Variants in THSD7A observed in about 807,000 individuals in gnomAD.
The protein encoded by THSD7A is thrombospondin type 1 domain containing 7A.
In THSD7A, 96 loss-of-function variants were observed where a neutral mutation model predicts 231.3. That is an observed-to-expected ratio of 0.41 (90% CI 0.35 to 0.49). The LOEUF (loss-of-function observed/expected upper bound fraction) is 0.49, where lower values mean the gene tolerates loss of function less well. Among genes scored for constraint, THSD7A ranks in the 20% least tolerant of loss-of-function variants. The pLI, the probability that THSD7A is intolerant of heterozygous loss-of-function variation, is 0.05. For missense variants in THSD7A, 2,290 were observed against 2,070.2 expected (o/e 1.11, Z -2.06); for synonymous variants, 940 against 743.3 (o/e 1.26, Z -4.30).
At chr7:11,825,595 A>G (rs955540520) in intron 1 of THSD7A, among the ~76,000 whole-genome samples, 1 of 152,190 alleles carries the variant, frequency 6.6e-6, no homozygotes. Context: ...AATAAAAACT[A>G]TCATTTACTG....
At chr7:11,462,872 C>A (rs1785557151) in intron 9 of THSD7A, among the ~76,000 whole-genome samples, 1 of 152,060 alleles carries the variant, frequency 6.6e-6, no homozygotes, top group African/African-American at 2.4e-5. Context: ...GACAGTATGA[C>A]TGATGTAAGG....
At position 11,446,904 on chromosome 7, in the gene THSD7A, C is replaced by T. The variant is rs1454548324; in HGVS notation, c.2800+326G>A. Reference sequence around the variant, plus strand: ...GGCTCTGACAGTGAGAATGGGTTAACAAAGTAGCAACTTTTTCTCTTGTTC... The same window carrying T: ...GGCTCTGACAGTGAGAATGGGTTAATAAAGTAGCAACTTTTTCTCTTGTTC... On this transcript the variant is annotated intron_variant, in intron 12 of 27. Coordinates refer to ENST00000423059, the MANE Select transcript of THSD7A (RefSeq NM_015204.3). The surrounding 1 kb of genome is among the most constrained non-coding windows in gnomAD (Gnocchi z 4.0). 6.6e-6 allele frequency among the ~76,000 whole-genome samples: 1 copy of T among 152,100 alleles called. No homozygotes were observed. Among genetic ancestry groups the T allele is most frequent in the Non-Finnish European group, 1.5e-5 (1 of 67,988 alleles).
rs1051334588 is a variant in THSD7A, at chr7:11,469,881, T to G, written c.2366A>C (p.Glu789Ala). ...DWTSCPSSCKEGDSSIRKQSR... is the reference protein window; with the variant it reads ...DWTSCPSSCKAGDSSIRKQSR... ...CTTCCTAACTCTGCAGACCATACCT[T>G]CTTTACACGAAGAGGGGCATGATGT... The change falls in exon 9 of 28, where the codon GAA becomes GCA. Residue 789 changes from glutamate to alanine, a missense_variant and splice_region_variant. Coordinates refer to ENST00000423059, the MANE Select transcript of THSD7A (RefSeq NM_015204.3). 1.3e-6 allele frequency: 2 copies of G among 1,585,052 alleles called. No homozygotes were observed. Among genetic ancestry groups the G allele is most frequent in the African/African-American group, 2.7e-5 (2 of 74,656 alleles).
At chr7:11,495,275 T>C (rs12539888) in intron 6 of THSD7A, among the ~76,000 whole-genome samples, 34,660 of 152,018 alleles carry the variant, frequency 0.23, 4,076 homozygotes, top group Middle Eastern at 0.32. Flanking sequence ...CTGTTTTATA[T>C]CATATTTTTA....
At chr7:11,512,959 A>ATATATATATATG (rs1449312863) in intron 6 of THSD7A, among the ~76,000 whole-genome samples, 1 of 142,586 alleles carries the variant, frequency 7.0e-6, no homozygotes, top group Non-Finnish European at 1.5e-5. Context: ...ATATATATAT[A>ATATATATATATG]TGTAAAATAC....
intron 4 of THSD7A, among the ~76,000 whole-genome samples, chr7:11,552,317 A>G (rs1789664797): frequency 6.6e-6 from 1 of 152,102 alleles, no homozygotes; most frequent in Non-Finnish European, 1.5e-5. Flanking sequence ...CTTAAAAGTT[A>G]GAAAAAAAAT....
intron 1 of THSD7A, among the ~76,000 whole-genome samples, chr7:11,690,046 A>G (rs1017312447): frequency 2.0e-5 from 3 of 151,798 alleles, no homozygotes; most frequent in Admixed American, 1.3e-4. Context: ...TGACCATACA[A>G]TCTTAGAATG....
At chr7:11,794,613 A>G (rs1224516079) in intron 1 of THSD7A, among the ~76,000 whole-genome samples, 2 of 151,992 alleles carry the variant, frequency 1.3e-5, no homozygotes, top group Non-Finnish European at 1.5e-5. Context: ...GGTCTGTACC[A>G]GTATTTAAGC....
At chr7:11,572,640 T>C (rs1423052639) in intron 4 of THSD7A, among the ~76,000 whole-genome samples, 1 of 152,072 alleles carries the variant, frequency 6.6e-6, no homozygotes, top group African/African-American at 2.4e-5. Flanking sequence ...CCTGAATACC[T>C]GGGACTACAG....
intron 6 of THSD7A, among the ~76,000 whole-genome samples, chr7:11,501,688 T>G (rs190728252): frequency 6.6e-6 from 1 of 152,116 alleles, no homozygotes; most frequent in Admixed American, 6.6e-5. Context: ...TAGGAAGAAC[T>G]TAAATTAGCA....
chr7:11,505,345 A>G (rs995802389), intron 6 of THSD7A, among the ~76,000 whole-genome samples: 9 of 152,120 alleles, frequency 5.9e-5, no homozygotes, highest in Non-Finnish European at 1.0e-4. Context: ...TGAGAGTCTA[A>G]TTTCCTTTTC....
At chr7:11,616,164 C>T (rs1016095144) in intron 2 of THSD7A, among the ~76,000 whole-genome samples, 4 of 151,992 alleles carry the variant, frequency 2.6e-5, no homozygotes, top group African/African-American at 9.7e-5. Context: ...TTTTTATATA[C>T]ACCTCTATAC....
At chr7:11,541,342 C>G (rs1789137625) in intron 6 of THSD7A, 77 bp downstream of exon 6, 2 of 1,392,484 alleles carry the variant, frequency 1.4e-6, no homozygotes, top group African/African-American at 2.9e-5. Flanking sequence ...CGAGAAGACA[C>G]AGGATTTTAA....
At chr7:11,493,146 A>G (rs1583844252) in intron 6 of THSD7A, among the ~76,000 whole-genome samples, 1 of 152,160 alleles carries the variant, frequency 6.6e-6, no homozygotes, top group African/African-American at 2.4e-5. Flanking sequence ...TGATACAGAA[A>G]GCATCATTAG....
At chr7:11,560,060 A>G (rs1036068683) in intron 4 of THSD7A, among the ~76,000 whole-genome samples, 2 of 152,206 alleles carry the variant, frequency 1.3e-5, no homozygotes, top group African/African-American at 4.8e-5. Context: ...GGTATTGAAT[A>G]ACGTTATGTC....
intron 4 of THSD7A, among the ~76,000 whole-genome samples, chr7:11,546,088 G>C (rs1258180741): frequency 6.6e-6 from 1 of 152,110 alleles, no homozygotes; most frequent in African/African-American, 2.4e-5. Context: ...ACCACCATTA[G>C]AGAGCTTCTG....
intron 1 of THSD7A, among the ~76,000 whole-genome samples, chr7:11,771,236 G>A (rs191919308): frequency 1.3e-5 from 2 of 150,878 alleles, no homozygotes; most frequent in Admixed American, 1.3e-4. Context: ...TTTTTAACTT[G>A]GTAAATATTG....
At chr7:11,794,120 A>G (rs1199317259) in intron 1 of THSD7A, among the ~76,000 whole-genome samples, 1 of 151,982 alleles carries the variant, frequency 6.6e-6, no homozygotes, top group African/African-American at 2.4e-5. Flanking sequence ...ATATTCTAAC[A>G]TATGTAATTT....
chr7:11,747,633 A>G (rs28409613), intron 1 of THSD7A, among the ~76,000 whole-genome samples: 4,045 of 152,066 alleles, frequency 0.027, 198 homozygotes, highest in African/African-American at 0.093. Flanking sequence ...ACCTGTAAAA[A>G]AATGACTATC....
Sources: allele counts gnomAD v4.1 joint callset (sites outside exome capture counted in the v4.1 genomes callset), GRCh38; gene constraint gnomAD v4.1.1; non-coding constraint Gnocchi (gnomAD v3.1); transcripts MANE v1.5; gene names NCBI Gene and HGNC (gene_info 2026-07-23, HGNC 2026-07-21).